ETV1: variants seen among roughly 807,000 people sequenced by gnomAD.
ETV1 encodes the protein ETS variant transcription factor 1.
In ETV1, 27 loss-of-function variants were observed where a neutral mutation model predicts 62.3. That is an observed-to-expected ratio of 0.43 (90% CI 0.32 to 0.60). The LOEUF is 0.60. Ranked by LOEUF, ETV1 falls within the 20% of genes least tolerant of loss-of-function variation. The probability of loss-of-function intolerance (pLI) is 0.06; values close to 1 mark genes in which losing one functional copy is unlikely to be tolerated. For missense variants in ETV1, 605 were observed against 605.8 expected (o/e 1.00, Z 0.01); for synonymous variants, 222 against 199.6 (o/e 1.11, Z -0.94).
intron 5 of ETV1, among the ~76,000 whole-genome samples, chr7:13,979,397 CA>C (rs1781763739): frequency 6.6e-6 from 1 of 152,030 alleles, no homozygotes; most frequent in Admixed American, 6.6e-5. Context: ...GGCAACGAAA[CA>C]GCTAAAATCT....
At chr7:13,970,703 T>C (rs1190100900) in intron 6 of ETV1, among the ~76,000 whole-genome samples, 3 of 152,120 alleles carry the variant, frequency 2.0e-5, no homozygotes, top group Non-Finnish European at 2.9e-5. Context: ...ATCAACTTTA[T>C]AAAGTACTCA....
chr7:13,973,985 A>G (rs1781157092), intron 6 of ETV1, among the ~76,000 whole-genome samples: 1 of 152,196 alleles, frequency 6.6e-6, no homozygotes, highest in Non-Finnish European at 1.5e-5. Flanking sequence ...TTCTCCTATA[A>G]CATGTAAGCC....
chr7:13,895,888 T>C lies in ETV1; in HGVS notation c.1412A>G (p.Tyr471Cys). 2 of 1,613,612 alleles carry C rather than the reference T, an allele frequency of 1.2e-6. No homozygotes were observed. The highest frequency in any genetic ancestry group is 3.3e-4 in the Middle Eastern group (2 of 5,984). Residue 471 changes from tyrosine (Y) to cysteine (C), a missense_variant, in exon 14 of 14, where the codon TAC becomes TGC. By Grantham distance (194) the Tyr-to-Cys change is radical. This residue lies in a region of ETV1 where 79 missense variants were observed against 71.6 expected (regional missense o/e 1.10). Transcript: ENST00000430479. ...PEGGCCNPHP[Y>C]NEGYVY ...GTGTTAATACACGTAGCCTTCGTTG[T>C]AGGGGTGGGGGTTGCAGCAGCCCCC...
At chr7:13,980,220 G>C (rs1781847112) in intron 5 of ETV1, among the ~76,000 whole-genome samples, 1 of 152,100 alleles carries the variant, frequency 6.6e-6, no homozygotes, top group Non-Finnish European at 1.5e-5. Flanking sequence ...ATAGACAAAG[G>C]CTTAAGTATA....
rs11981134 is a variant in ETV1, at chr7:13,928,554, C to T, written c.802+2948G>A. Among the ~76,000 whole-genome samples, 278 of 152,112 alleles carry T rather than the reference C, an allele frequency of 1.8e-3. 2 individuals are homozygous for T. The highest frequency in any genetic ancestry group is 6.3e-3 in the African/African-American group (263 of 41,490). ...GCTTGAACCTGGCAGACGGAGGTTG[C>T]GGTGAGCCGAGATCGTGCCACTGCA... On this transcript the variant is annotated intron_variant, in intron 9 of 13. Coordinates refer to ENST00000430479, the MANE Select transcript of ETV1 (RefSeq NM_004956.5).
At chr7:13,941,881 A>AG (rs1347198280) in intron 6 of ETV1, among the ~76,000 whole-genome samples, 1 of 74,728 alleles carries the variant, frequency 1.3e-5, no homozygotes, top group African/African-American at 3.6e-5. Flanking sequence ...AAATAAATAA[A>AG]TAAATAAATA....
Position 13,945,543 on chromosome 7 carries a change from G to C in ETV1, c.236-6297C>G, listed in dbSNP as rs112826710. ...AATTGCTGCATGTGAGGAAAAAAGA[G>C]AAAGCCAACCTAAAAATCTTCGACT... On this transcript the variant is annotated intron_variant, in intron 6 of 13. Transcript: ENST00000430479. Among the ~76,000 whole-genome samples the C allele has an allele frequency of 4.1e-3, 616 of 152,038 alleles. 6 individuals carry two copies. Among genetic ancestry groups the C allele is most frequent in the African/African-American group, 0.014 (577 of 41,458 alleles).
chr7:13,907,150 G>C (rs1019630725), intron 11 of ETV1, among the ~76,000 whole-genome samples: 12 of 152,120 alleles, frequency 7.9e-5, no homozygotes, highest in African/African-American at 1.9e-4. Context: ...ACTGAGTTAA[G>C]TAATCTTCAC....
chr7:13,901,468 CTG>C (rs1782417092), intron 12 of ETV1, among the ~76,000 whole-genome samples: 1 of 152,164 alleles, frequency 6.6e-6, no homozygotes, highest in Non-Finnish European at 1.5e-5. Context: ...GTTTTTCATT[CTG>C]AGATATACTG....
In ETV1 at chr7:13,989,611, A is replaced by G; in HGVS notation, c.-333T>C. On this transcript the variant is annotated 5_prime_UTR_variant, in exon 1 of 14. Transcript: ENST00000430479. The stretch of plus-strand genomic sequence containing the variant: ...GCTGCAAAAACTTCCCTCCAAATTT[A>G]ATAAAAACATTAATTATAGCCCAGC... 2.5e-6 allele frequency: 1 copy of G among 399,102 alleles called. No individual in the cohort carries two copies. Among genetic ancestry groups the G allele is most frequent in the Non-Finnish European group, 4.4e-6 (1 of 226,138 alleles). The allele number at this position is 399,102 out of a possible 1,614,324, so 24.7% of individuals were successfully genotyped here. A position where few individuals can be genotyped will look rare whatever the true frequency, so the allele number is the denominator to read the frequency against.
intron 9 of ETV1, among the ~76,000 whole-genome samples, chr7:13,918,843 G>A (rs139711276): frequency 0.05 from 7,263 of 144,272 alleles, 213 homozygotes; most frequent in East Asian, 0.13. Flanking sequence ...CCTGCACAAT[G>A]TGCACATGTA....
chr7:13,952,068 A>G (rs1291683290), intron 6 of ETV1, among the ~76,000 whole-genome samples: 2 of 150,138 alleles, frequency 1.3e-5, no homozygotes, highest in East Asian at 3.9e-4. Context: ...TAAATAAATA[A>G]ACATGGAAAA....
chr7:13,972,085 G>A (rs2107764), intron 6 of ETV1, among the ~76,000 whole-genome samples: 116,340 of 151,954 alleles, frequency 0.77, 45,238 homozygotes, highest in African/African-American at 0.91. Flanking sequence ...ACTCCAGCCT[G>A]GATGATACAG....
intron 6 of ETV1, among the ~76,000 whole-genome samples, chr7:13,963,951 T>C (rs1238158501): frequency 6.6e-6 from 1 of 152,094 alleles, no homozygotes; most frequent in Non-Finnish European, 1.5e-5. Flanking sequence ...AATAGAGCTT[T>C]CACAAAGGAA....
At chr7:13,927,754 C>A (rs749551163) in intron 9 of ETV1, among the ~76,000 whole-genome samples, 6 of 152,082 alleles carry the variant, frequency 3.9e-5, no homozygotes, top group Non-Finnish European at 5.9e-5. Context: ...CATTTTGACA[C>A]CCACAGATTA....
At chr7:13,927,512 T>C (rs6961076) in intron 9 of ETV1, among the ~76,000 whole-genome samples, 11,820 of 152,208 alleles carry the variant, frequency 0.078, 853 homozygotes, top group African/African-American at 0.19. Flanking sequence ...CATATAAATC[T>C]ATGTGCTTCC....
intron 6 of ETV1, among the ~76,000 whole-genome samples, chr7:13,945,312 T>C (rs1788023192): frequency 6.6e-6 from 1 of 152,150 alleles, no homozygotes; most frequent in African/African-American, 2.4e-5. Flanking sequence ...AGCAACATCT[T>C]CCTTTTCCTT....
intron 10 of ETV1, among the ~76,000 whole-genome samples, chr7:13,910,147 T>A (rs1321542523): frequency 6.6e-6 from 1 of 151,678 alleles, no homozygotes; most frequent in Non-Finnish European, 1.5e-5. Context: ...TATTTTATCC[T>A]CTTACTTTCT....
intron 9 of ETV1, among the ~76,000 whole-genome samples, chr7:13,917,109 G>A (rs1784259969): frequency 6.6e-6 from 1 of 151,910 alleles, no homozygotes; most frequent in Admixed American, 6.6e-5. Context: ...GTAAGCACCT[G>A]GGGTTTTCTT....
Sources: allele counts gnomAD v4.1 joint callset (sites outside exome capture counted in the v4.1 genomes callset), GRCh38; gene constraint gnomAD v4.1.1; regional missense constraint gnomAD v4.1.1; transcripts MANE v1.5; gene names NCBI Gene and HGNC (gene_info 2026-07-23, HGNC 2026-07-21).